Variants in CNIH3 observed in about 807,000 individuals in gnomAD.
CNIH3 encodes the protein protein cornichon homolog 3.
CNIH3 carries 14 observed loss-of-function variants against 24.1 expected under a neutral mutation model. That is an observed-to-expected ratio of 0.58 (90% CI 0.38 to 0.91). The LOEUF is 0.91. CNIH3 is among the 40% of genes least tolerant of loss of function. CNIH3 has a pLI of 0.00. For synonymous variants in CNIH3, 68 were observed against 73.8 expected, an observed-to-expected ratio of 0.92 and a Z score of 0.40; for missense variants, 178 against 196.8, an observed-to-expected ratio of 0.90 and a Z score of 0.57.
At chr1:224,439,646 T>C (rs892451435) in intron 1 of CNIH3, among the ~76,000 whole-genome samples, 27 of 152,330 alleles carry the variant, frequency 1.8e-4, no homozygotes, top group African/African-American at 5.1e-4. Context: ...GGAGTCTCGC[T>C]CTGTCGCCAG....
intron 3 of CNIH3, among the ~76,000 whole-genome samples, chr1:224,555,417 A>C (rs550627345): frequency 1.3e-5 from 2 of 152,256 alleles, no homozygotes; most frequent in South Asian, 4.2e-4. Context: ...GATTCTAGGA[A>C]CTCATCCTTT....
intron 1 of CNIH3, among the ~76,000 whole-genome samples, chr1:224,498,849 G>A (rs977245936): frequency 6.6e-6 from 1 of 152,218 alleles, no homozygotes; most frequent in Non-Finnish European, 1.5e-5. Flanking sequence ...GGGGAAAGGC[G>A]ACAGGAAGAG....
Position 224,734,511 on chromosome 1 carries a change from T to G in CNIH3, c.312-52T>G, listed in dbSNP as rs114456050. On this transcript the variant is annotated intron_variant, in intron 4 of 5. Coordinates refer to ENST00000272133, the MANE Select transcript of CNIH3 (RefSeq NM_152495.2). Reference sequence around the variant, plus strand: ...CTGCATCGGAAGGGTTTGCCCAGGTTACGCCAGAAGTACCAGGACCTCAGA... The same window carrying G: ...CTGCATCGGAAGGGTTTGCCCAGGTGACGCCAGAAGTACCAGGACCTCAGA... 5.8e-3 allele frequency: 9,221 copies of G among 1,597,602 alleles called. 79 individuals carry two copies. Among genetic ancestry groups the G allele is most frequent in the South Asian group, 0.026 (2,351 of 90,272 alleles).
intron 3 of CNIH3, among the ~76,000 whole-genome samples, chr1:224,712,616 T>C (rs1688217420): frequency 6.6e-6 from 1 of 151,562 alleles, no homozygotes; most frequent in African/African-American, 2.4e-5. Flanking sequence ...TAGCCAGGAG[T>C]TGAAAGGAGG....
At chr1:224,598,276 G>A (rs2125038241) in intron 3 of CNIH3, among the ~76,000 whole-genome samples, 1 of 152,308 alleles carries the variant, frequency 6.6e-6, no homozygotes, top group East Asian at 1.9e-4. Flanking sequence ...ATCAGAAGCG[G>A]AGCCTGAAGA....
At chr1:224,443,704 TA>T (rs67561510) in intron 1 of CNIH3, among the ~76,000 whole-genome samples, 58 of 148,346 alleles carry the variant, frequency 3.9e-4, no homozygotes, top group African/African-American at 5.7e-4. Flanking sequence ...TATAGATATA[TA>T]TATATATTTT....
At position 224,616,587 on chromosome 1, in the gene CNIH3, C is replaced by A; in HGVS notation, c.-588C>A. ...TGGGGCGCAGGACCAACGGGACCTACCTCCTCCCGGCTACCTAAAGACTCC... is the reference window on the plus strand; with the variant it reads ...TGGGGCGCAGGACCAACGGGACCTAACTCCTCCCGGCTACCTAAAGACTCC... On this transcript the variant is annotated 5_prime_UTR_variant, in exon 1 of 6. Transcript: ENST00000272133. The A allele has an allele frequency of 1.0e-6, 1 of 986,718 alleles. No individual in the cohort carries two copies. The highest frequency in any genetic ancestry group is 1.2e-6 in the Non-Finnish European group (1 of 830,870). The allele number at this position is 986,718 out of a possible 1,614,324, so 61.1% of individuals were successfully genotyped here. A position where few individuals can be genotyped will look rare whatever the true frequency, so the allele number is the denominator to read the frequency against.
chr1:224,506,612 T>C (rs1376080192), intron 1 of CNIH3, among the ~76,000 whole-genome samples: 2 of 152,184 alleles, frequency 1.3e-5, no homozygotes, highest in Non-Finnish European at 2.9e-5. Context: ...AAGTTAAACC[T>C]GATACAGCCC....
At chr1:224,467,675 C>A (rs1054084052) in intron 1 of CNIH3, among the ~76,000 whole-genome samples, 1 of 152,092 alleles carries the variant, frequency 6.6e-6, no homozygotes, top group Non-Finnish European at 1.5e-5. Flanking sequence ...CCACTCACTT[C>A]GACCTCCCAT....
chr1:224,570,720 A>G (rs1196297374), intron 4 of CNIH3, among the ~76,000 whole-genome samples: 1 of 152,138 alleles, frequency 6.6e-6, no homozygotes, highest in African/African-American at 2.4e-5. Context: ...TTTATAGTTT[A>G]TATTTTTGTA....
In CNIH3 at chr1:224,454,114, G is replaced by A. The variant is rs1032811489; in HGVS notation, n.203+19252G>A. On this transcript the variant is annotated intron_variant and non_coding_transcript_variant, in intron 1 of 5. Transcript: ENST00000471578. ...AACAGCAAAACTGCTTGAAGAAAAC[G>A]CACTATATTATTCTAAGAAGTAAAT... is the stretch of plus-strand genomic sequence containing the variant. Among the ~76,000 whole-genome samples, 13 of 152,198 alleles carry A rather than the reference G, an allele frequency of 8.5e-5. No individual in the cohort carries two copies. In the South Asian group the frequency reaches 1.2e-3, roughly 15 times the overall value.
intron 1 of CNIH3, among the ~76,000 whole-genome samples, chr1:224,503,056 G>A (rs1677747094): frequency 7.1e-6 from 1 of 141,052 alleles, no homozygotes; most frequent in African/African-American, 2.5e-5. Context: ...GGGAGGGAGG[G>A]AGGTGGGGGC....
intron 1 of CNIH3, among the ~76,000 whole-genome samples, chr1:224,475,368 A>G (rs1676546270): frequency 1.4e-5 from 2 of 147,666 alleles, no homozygotes; most frequent in African/African-American, 4.9e-5. Flanking sequence ...AAAAAAAAAG[A>G]AAAGAAAAGA....
At chr1:224,442,013 ATTTTTT>A (rs1167622615) in intron 1 of CNIH3, among the ~76,000 whole-genome samples, 1 of 119,992 alleles carries the variant, frequency 8.3e-6, no homozygotes, top group Non-Finnish European at 1.7e-5. Flanking sequence ...GATTCCCTTA[ATTTTTT>A]TTTTTTTTTT....
chr1:224,457,376 A>C (rs777407335), intron 1 of CNIH3, among the ~76,000 whole-genome samples: 3 of 151,816 alleles, frequency 2.0e-5, no homozygotes, highest in Non-Finnish European at 4.4e-5. Flanking sequence ...CTGGCTTCCA[A>C]AAGTAGCCTT....
intron 1 of CNIH3, among the ~76,000 whole-genome samples, chr1:224,636,546 T>C (rs2125086033): frequency 6.6e-6 from 1 of 152,356 alleles, no homozygotes; most frequent in South Asian, 2.1e-4. Flanking sequence ...CTTGATCTTT[T>C]TGAGCTATGC....
chr1:224,685,766 A>G (rs1287684188), intron 3 of CNIH3, among the ~76,000 whole-genome samples: 1 of 152,222 alleles, frequency 6.6e-6, no homozygotes, highest in Non-Finnish European at 1.5e-5. Flanking sequence ...TTAATCAAGC[A>G]GCCGGTTATT....
intron 3 of CNIH3, among the ~76,000 whole-genome samples, chr1:224,716,457 A>G (rs1437056644): frequency 6.6e-6 from 1 of 152,246 alleles, no homozygotes; most frequent in Non-Finnish European, 1.5e-5. Context: ...GAATGAGTGA[A>G]TAAACACATG....
At chr1:224,547,003 T>A in intron 3 of CNIH3, 2 of 678,514 alleles carry the variant, frequency 2.9e-6, no homozygotes, top group Non-Finnish European at 3.6e-6. Context: ...TTGGTAGTGG[T>A]AAGATGGGTG....
Sources: allele counts gnomAD v4.1 joint callset (sites outside exome capture counted in the v4.1 genomes callset), GRCh38; gene constraint gnomAD v4.1.1; transcripts MANE v1.5; gene names NCBI Gene and HGNC (gene_info 2026-07-23, HGNC 2026-07-21).